The following ZNF454 variants were observed in gnomAD, a reference collection of about 807,000 sequenced individuals.
ZNF454 encodes the protein zinc finger protein 454.
In ZNF454, 30 loss-of-function variants were observed where a neutral mutation model predicts 48.2. The ratio of observed to expected loss-of-function variants is 0.62; its 90% CI spans 0.47 to 0.84. ZNF454 has a LOEUF of 0.84. Ranked by LOEUF, ZNF454 falls within the 40% of genes least tolerant of loss-of-function variation. ZNF454 has a pLI of 0.00. For synonymous variants in ZNF454, 204 were observed against 211.4 expected, an observed-to-expected ratio of 0.97 and a Z score of 0.30; for missense variants, 510 against 623.1, an observed-to-expected ratio of 0.82 and a Z score of 1.93.
chr5:178,979,253 A>C, the ZNF454 span: 3 of 152,230 alleles, frequency 2.0e-5, no homozygotes, highest in Non-Finnish European at 4.4e-5. Flanking sequence ...AAATAAAATA[A>C]TAACATAAAG....
the ZNF454 span, chr5:178,983,017 C>T: frequency 1.9e-6 from 3 of 1,614,100 alleles, no homozygotes; most frequent in Non-Finnish European, 1.7e-6. Context: ...TTGAAGGTCT[C>T]GGGCACGCCA....
At chr5:178,982,776 A>G in the ZNF454 span, 5 of 686,614 alleles carry the variant, frequency 7.3e-6, no homozygotes, top group African/African-American at 8.8e-5. Flanking sequence ...ACAAAGTAAG[A>G]AGGGAATGAG....
At chr5:178,947,897 G>A (rs1208320962) in intron 4 of ZNF454, among the ~76,000 whole-genome samples, 1 of 152,028 alleles carries the variant, frequency 6.6e-6, no homozygotes, top group African/African-American at 2.4e-5. Context: ...AATTTGTTAT[G>A]GAAATTAAAT....
rs182909375 is a variant in ZNF454, at chr5:178,952,146, T to A, written c.250+5160T>A. On this transcript the variant is annotated intron_variant, in intron 4 of 4. Transcript: ENST00000519564. ...TCCTCCTCCCGGGTTCACGCCATTC[T>A]CCTGCCTCAGCCTCCCGAGTAGCTG... Among the ~76,000 whole-genome samples, 292 of 151,916 alleles carry A rather than the reference T, an allele frequency of 1.9e-3. 1 individual carries two copies. The highest frequency in any genetic ancestry group is 0.017 in the Middle Eastern group (5 of 292).
rs1037020575 is a variant in ZNF454, at chr5:178,946,221, C to T, written c.34-138C>T. On this transcript the variant is annotated intron_variant, in intron 2 of 4. Transcript: ENST00000519564. The surrounding 1 kb of genome is among the most constrained non-coding windows in gnomAD (Gnocchi z 4.5). ...CTAGGAGACCCTGAAGAGTGATGAA[C>T]TTGTCACAGAACGCCAGCTCCCTGT... The T allele has an allele frequency of 1.8e-5, 21 of 1,155,006 alleles. No homozygotes were observed. The South Asian group carries it at 3.2e-4, about 18-fold the overall frequency. 71.5% of individuals were successfully genotyped at this position (1,155,006 alleles called of 1,614,324 possible). A position where few individuals can be genotyped will look rare whatever the true frequency, so the allele number is the denominator to read the frequency against.
intron 1 of ZNF454, 162 bp from the exon 2 acceptor site, chr5:178,942,523 A>T (rs1026610971): frequency 2.2e-5 from 9 of 404,684 alleles, no homozygotes; most frequent in African/African-American, 1.8e-4. Flanking sequence ...TGCAGGGAAA[A>T]GTCAATGTAT....
At chr5:178,955,719 T>C (rs1277161355) in intron 4 of ZNF454, among the ~76,000 whole-genome samples, 1 of 152,236 alleles carries the variant, frequency 6.6e-6, no homozygotes, top group Admixed American at 6.5e-5. Flanking sequence ...CCTTCTGTTT[T>C]CTGGGAAAAT....
At chr5:178,986,851 G>A in the ZNF454 span, 3 of 1,613,824 alleles carry the variant, frequency 1.9e-6, no homozygotes, top group Admixed American at 3.3e-5. Flanking sequence ...CAGTCTGAGG[G>A]TCTCTGCCCA....
chr5:178,985,808 C>A, the ZNF454 span: 1 of 523,700 alleles, frequency 1.9e-6, no homozygotes, highest in Non-Finnish European at 3.6e-6. Context: ...GACACCCAAG[C>A]TGGATTGTAG....
chr5:178,946,563 A>C lies in ZNF454; in HGVS notation c.160+78A>C. The stretch of plus-strand genomic sequence containing the variant: ...CCCTTACATTGACACCATATAGAAG[A>C]GTCGGTTGGACCAACTGAGGACGCT... On this transcript the variant is annotated intron_variant, in intron 3 of 4. Transcript: ENST00000519564. This position sits in a 1 kb window ranked among gnomAD's most constrained non-coding sequence, Gnocchi z 4.5. The C allele has an allele frequency of 6.6e-7, 1 of 1,512,696 alleles. No individual in the cohort carries two copies. The highest frequency in any genetic ancestry group is 8.8e-7 in the Non-Finnish European group (1 of 1,132,674). 93.7% of individuals were successfully genotyped at this position (1,512,696 alleles called of 1,614,324 possible).
At chr5:178,962,227 A>G (rs1246369905) in intron 4 of ZNF454, among the ~76,000 whole-genome samples, 1 of 151,294 alleles carries the variant, frequency 6.6e-6, no homozygotes, top group Non-Finnish European at 1.5e-5. Flanking sequence ...TGTTTTCATT[A>G]AGACACTGCC....
At chr5:178,982,682 A>G in the ZNF454 span, 22 of 453,662 alleles carry the variant, frequency 4.8e-5, no homozygotes, top group East Asian at 7.1e-4. Context: ...TCTCAAAGAA[A>G]TGAAAATGAT....
At chr5:178,948,904 AG>A (rs201029027) in intron 4 of ZNF454, among the ~76,000 whole-genome samples, 10,602 of 103,138 alleles carry the variant, frequency 0.1, 467 homozygotes, top group Non-Finnish European at 0.13. Context: ...ATATGTACAC[AG>A]ATTTTTTTTT....
chr5:178,961,383 AT>A (rs1260489378), intron 4 of ZNF454, among the ~76,000 whole-genome samples: 3 of 151,216 alleles, frequency 2.0e-5, no homozygotes, highest in Non-Finnish European at 4.4e-5. Context: ...TTATTGTGCC[AT>A]TTTCACTCTG....
intron 1 of ZNF454, chr5:178,942,425 G>A (rs1209445643): frequency 3.0e-5 from 6 of 199,054 alleles, no homozygotes; most frequent in African/African-American, 1.4e-4. Flanking sequence ...AACAAAAAAA[G>A]AATTCTCTTG....
intron 4 of ZNF454, among the ~76,000 whole-genome samples, chr5:178,961,976 G>A (rs1447726876): frequency 6.6e-6 from 1 of 151,132 alleles, no homozygotes. Context: ...CTTTTCCATT[G>A]CTTTTCATGC....
At chr5:178,954,889 G>T (rs1188181296) in intron 4 of ZNF454, among the ~76,000 whole-genome samples, 1 of 152,212 alleles carries the variant, frequency 6.6e-6, no homozygotes, top group Non-Finnish European at 1.5e-5. Flanking sequence ...CATGTCAGCA[G>T]TTCCTTGCCA....
At chr5:178,974,393 A>G in the ZNF454 span, among the ~76,000 whole-genome samples, 1 of 152,062 alleles carries the variant, frequency 6.6e-6, no homozygotes, top group Admixed American at 6.6e-5. Flanking sequence ...ATCTTGGCTC[A>G]CTGCAGTCTC....
chr5:178,971,713 G>A, the ZNF454 span, among the ~76,000 whole-genome samples: 6 of 151,708 alleles, frequency 4.0e-5, no homozygotes, highest in Non-Finnish European at 5.9e-5. Flanking sequence ...AAAATTAGCC[G>A]GGTGTGGTGG....
Sources: allele counts gnomAD v4.1 joint callset (sites outside exome capture counted in the v4.1 genomes callset), GRCh38; gene constraint gnomAD v4.1.1; non-coding constraint Gnocchi (gnomAD v3.1); transcripts MANE v1.5; gene names NCBI Gene and HGNC (gene_info 2026-07-23, HGNC 2026-07-21).